The following OSGIN1 variants were observed in gnomAD, a reference collection of about 807,000 sequenced individuals.
OSGIN1 encodes the protein oxidative stress induced growth inhibitor 1.
A neutral mutation model predicts 20.1 loss-of-function variants in OSGIN1; 19 were observed. That is an observed-to-expected ratio of 0.95 (90% CI 0.66 to 1.39). The LOEUF (loss-of-function observed/expected upper bound fraction) is 1.39, where lower values mean the gene tolerates loss of function less well. Ranked by LOEUF, OSGIN1 falls within the 40% of genes most tolerant of loss-of-function variation. The probability of loss-of-function intolerance (pLI) is 0.00; values close to 1 mark genes in which losing one functional copy is unlikely to be tolerated. For missense variants in OSGIN1, 820 were observed against 653.0 expected (o/e 1.26, Z -2.79); for synonymous variants, 368 against 297.8 (o/e 1.24, Z -2.43).
chr16:83,962,340 G>A (rs574087477), intron 5 of OSGIN1, among the ~76,000 whole-genome samples: 1 of 152,290 alleles, frequency 6.6e-6, no homozygotes, highest in South Asian at 2.1e-4. Flanking sequence ...CCAGGTTCAA[G>A]CCATTCTCCT....
Position 83,959,322 on chromosome 16 carries a change from C to T in OSGIN1, c.130C>T (p.Pro44Ser). 2 of 1,613,856 alleles carry T rather than the reference C, an allele frequency of 1.2e-6. No homozygotes were observed. The highest frequency in any genetic ancestry group is 1.7e-6 in the Non-Finnish European group (2 of 1,179,974). Residue 44 changes from proline (P) to serine (S), a missense_variant, in exon 3 of 6, where the codon CCA becomes TCA. By Grantham distance (74) the Pro-to-Ser change is moderately conservative (BLOSUM62 -1). Transcript: ENST00000393306. ...LLSGYTPYTKPDAIHPHPLLQ... is the reference protein window; with the variant it reads ...LLSGYTPYTKSDAIHPHPLLQ... ...CTCCGGCTACACACCCTACACGAAGCCAGATGCCATCCACCCACACCCCCT... is the reference window on the plus strand; with the variant it reads ...CTCCGGCTACACACCCTACACGAAGTCAGATGCCATCCACCCACACCCCCT...
At chr16:83,955,090 G>A (rs1908863095) in intron 1 of OSGIN1, among the ~76,000 whole-genome samples, 1 of 152,192 alleles carries the variant, frequency 6.6e-6, no homozygotes, top group African/African-American at 2.4e-5. Context: ...TTGCTAGGAG[G>A]ATCAAAGGAG....
At position 83,953,302 on chromosome 16, in the gene OSGIN1, G is replaced by A. The variant is rs777437657; in HGVS notation, c.-101G>A. The A allele has an allele frequency of 2.3e-6, 3 of 1,288,702 alleles. No homozygotes were observed. The highest frequency in any genetic ancestry group is 5.5e-5 in the East Asian group (1 of 18,040). 79.8% of individuals were successfully genotyped at this position (1,288,702 alleles called of 1,614,324 possible). ...GATCTCGCGGGGGACTCTGTGATCC[G>A]TGTTCCCCTGACCCTCCTAGTGCAC... is the stretch of plus-strand genomic sequence containing the variant. On this transcript the variant is annotated 5_prime_UTR_variant, in exon 1 of 6. In the 5' UTR this introduces an upstream ATG that the reference lacks. Transcript: ENST00000393306.
At chr16:83,957,816 G>T in intron 2 of OSGIN1, 78 bp downstream of exon 2, 1 of 642,926 alleles carries the variant, frequency 1.6e-6, no homozygotes. Flanking sequence ...CAGGAGCTGG[G>T]CAAGTCCAGG....
chr16:83,960,425 C>T (rs1208019089), intron 3 of OSGIN1, 144 bp from the exon 4 acceptor site: 10 of 644,664 alleles, frequency 1.6e-5, no homozygotes, highest in Non-Finnish European at 2.7e-5. Context: ...CTTCAAACTA[C>T]CCCCAGGGTG....
At chr16:83,962,785 T>C (rs1184221323) in intron 5 of OSGIN1, among the ~76,000 whole-genome samples, 1 of 152,024 alleles carries the variant, frequency 6.6e-6, no homozygotes. Context: ...TTCTTTCGAG[T>C]TTCTTATAAG....
chr16:83,964,617 CACTT>C (rs1456384120), intron 5 of OSGIN1, among the ~76,000 whole-genome samples: 1 of 152,182 alleles, frequency 6.6e-6, no homozygotes, highest in African/African-American at 2.4e-5. Flanking sequence ...CCTTACATGG[CACTT>C]ACTTCCAGTC....
rs192536934 is a variant in OSGIN1 at position 83,953,322 on chromosome 16, G to A, written c.-81G>A. 8.0e-5 allele frequency: 103 copies of A among 1,288,978 alleles called. No individual in the cohort carries two copies. Among genetic ancestry groups the A allele is most frequent in the Admixed American group, 7.1e-4 (31 of 43,548 alleles). The allele number at this position is 1,288,978 out of a possible 1,614,324, so 79.8% of individuals were successfully genotyped here. On this transcript the variant is annotated 5_prime_UTR_variant, in exon 1 of 6. In the 5' UTR this introduces an upstream ATG that the reference lacks. Transcript: ENST00000393306. Reference sequence around the variant, plus strand: ...GATCCGTGTTCCCCTGACCCTCCTAGTGCACAACTTGGCCGGGCTCACTGG... The same window carrying A: ...GATCCGTGTTCCCCTGACCCTCCTAATGCACAACTTGGCCGGGCTCACTGG...
Position 83,965,677 on chromosome 16 carries a change from C to T in OSGIN1, c.1104C>T (p.Cys368=). ...GCCTCCCCAGGCACCAGCTGCTGTG[C>T]TTCAAGGAAGACTGCCAGGCCGTGT... ...YRSLPRHQLL[C]FKEDCQAVFQ... The change falls in exon 6 of 6, where the codon TGC becomes TGT. Residue 368 remains cysteine, a synonymous_variant. Transcript: ENST00000393306. The T allele has an allele frequency of 3.1e-6, 5 of 1,613,576 alleles. No homozygotes were observed. The highest frequency in any genetic ancestry group is 4.2e-6 in the Non-Finnish European group (5 of 1,180,028).
chr16:83,964,433 G>T (rs573185252), intron 5 of OSGIN1, among the ~76,000 whole-genome samples: 3 of 152,086 alleles, frequency 2.0e-5, no homozygotes, highest in Admixed American at 6.6e-5. Context: ...GAAGAAGCAG[G>T]CCCCCTCCCA....
chr16:83,965,001 C>T (rs1251195119), intron 5 of OSGIN1, 61 bp from the exon 6 acceptor site: 9 of 890,916 alleles, frequency 1.0e-5, no homozygotes, highest in East Asian at 2.8e-5. Context: ...ATCTCCCGTC[C>T]CACCCAGCCC....
intron 2 of OSGIN1, 54 bp downstream of exon 2, chr16:83,957,792 C>G (rs1909010501): frequency 9.5e-7 from 1 of 1,049,084 alleles, no homozygotes; most frequent in Non-Finnish European, 1.4e-6. Flanking sequence ...CCGGGTACCC[C>G]CCAGGTCTGA....
At chr16:83,960,472 G>C (rs1909149932) in intron 3 of OSGIN1, 97 bp from the exon 4 acceptor site, 1 of 931,836 alleles carries the variant, frequency 1.1e-6, no homozygotes, top group Non-Finnish European at 1.7e-6. Context: ...CAGGGAAATG[G>C]CCCGGCCCCA....
At chr16:83,954,310 T>C (rs1908825877) in intron 1 of OSGIN1, 1 of 152,236 alleles carries the variant, frequency 6.6e-6, no homozygotes, top group African/African-American at 2.4e-5. Context: ...GAAGTACAAA[T>C]GCCGCACACT....
chr16:83,954,878 C>T (rs767794097), intron 1 of OSGIN1: 22 of 381,342 alleles, frequency 5.8e-5, no homozygotes, highest in Non-Finnish European at 7.6e-5. Flanking sequence ...TCTGAAAGAA[C>T]AAAGGAGGGG....
At chr16:83,959,104 GCA>G (rs1401109012) in intron 2 of OSGIN1, among the ~76,000 whole-genome samples, 154 bp from the exon 3 acceptor site, 25 of 152,088 alleles carry the variant, frequency 1.6e-4, no homozygotes, top group Non-Finnish European at 3.5e-4. Flanking sequence ...GTATTATTAG[GCA>G]CAGTGTCTGG....
At position 83,965,274 on chromosome 16, in the gene OSGIN1, C is replaced by T. The variant is rs199638292; in HGVS notation, c.701C>T (p.Pro234Leu). ...GFLTRNQAQQ[P>L]FSLWARNVVL... ...CTGACCAGGAACCAGGCCCAGCAGC[C>T]CTTCTCGCTGTGGGCCCGCAACGTG... Residue 234 changes from proline to leucine, a missense_variant, in exon 6 of 6, where the codon CCC becomes CTC. By Grantham distance (98) the Pro-to-Leu change is moderately conservative. Coordinates refer to ENST00000393306, the MANE Select transcript of OSGIN1 (RefSeq NM_182981.3). 6.2e-7 allele frequency: 1 copy of T among 1,606,982 alleles called. No individual in the cohort carries two copies. Among genetic ancestry groups the T allele is most frequent in the Admixed American group, 1.7e-5 (1 of 59,696 alleles).
rs1456921773 is a variant in OSGIN1 at position 83,957,535 on chromosome 16, A to AGGGCCACAGGAGG, written c.-32-105_-32-104insGGGCCACAGGAGG. On this transcript the variant is annotated intron_variant, in intron 1 of 5. Transcript: ENST00000393306. Reference sequence around the variant, plus strand: ...ATGTCTCATGGGGACCCCGGACCAGACCCTGAGGGCCACAGGAGGCCACCC... The same window carrying AGGGCCACAGGAGG: ...ATGTCTCATGGGGACCCCGGACCAGAGGGCCACAGGAGGCCCTGAGGGCCACAGGAGGCCACCC... The AGGGCCACAGGAGG allele has an allele frequency of 1.5e-4, 100 of 679,884 alleles. No individual in the cohort carries two copies. In the East Asian group the frequency reaches 2.8e-3, roughly 19 times the overall value. 42.1% of individuals were successfully genotyped at this position (679,884 alleles called of 1,614,324 possible).
rs143425464 is a variant in OSGIN1, at chr16:83,962,921, T to C, written c.488+1849T>C. Among the ~76,000 whole-genome samples, 9 of 152,292 alleles carry C rather than the reference T, an allele frequency of 5.9e-5. No homozygotes were observed. In the East Asian group the frequency reaches 1.7e-3, roughly 29 times the overall value. ...TGACTTTTCCTTTAACTTAGTGATTTGGGGGCCCCAAGATTGATTTGCCTC... is the reference window on the plus strand; with the variant it reads ...TGACTTTTCCTTTAACTTAGTGATTCGGGGGCCCCAAGATTGATTTGCCTC... On this transcript the variant is annotated intron_variant, in intron 5 of 5. Transcript: ENST00000393306.
Sources: gnomAD v4.1 joint callset for allele counts (sites outside exome capture counted in the v4.1 genomes callset) on GRCh38, gnomAD v4.1.1 for gene constraint, MANE v1.5 for transcripts, NCBI Gene and HGNC (gene_info 2026-07-23, HGNC 2026-07-21) for gene names.